BACH2: variants seen among roughly 807,000 people sequenced by gnomAD.
BACH2 encodes the protein BACH transcriptional regulator 2, also known as transcription regulator protein BACH2.
In BACH2, 5 loss-of-function variants were observed where a neutral mutation model predicts 61.8. The ratio of observed to expected loss-of-function variants is 0.08; its 90% CI spans 0.04 to 0.17. The LOEUF is 0.17. Among genes scored for constraint, BACH2 ranks in the 10% least tolerant of loss-of-function variants. The pLI is 1.00. For synonymous variants in BACH2, 446 were observed against 440.1 expected (o/e 1.01, Z -0.17); for missense variants, 824 against 1,091.1 (o/e 0.76, Z 3.45).
intron 4 of BACH2, among the ~76,000 whole-genome samples, chr6:90,125,186 T>C (rs754874237): frequency 8.5e-5 from 13 of 152,110 alleles, no homozygotes; most frequent in Non-Finnish European, 1.3e-4. Flanking sequence ...GAGAAGAAAA[T>C]GTGCCATAAA....
chr6:90,106,924 C>T (rs1402773872), intron 4 of BACH2, among the ~76,000 whole-genome samples: 2 of 152,162 alleles, frequency 1.3e-5, no homozygotes, highest in Non-Finnish European at 2.9e-5. Context: ...GTGGTGGCTC[C>T]GCCTCCTCTC....
chr6:90,163,874 G>C (rs1053146805), intron 4 of BACH2, among the ~76,000 whole-genome samples: 1 of 152,202 alleles, frequency 6.6e-6, no homozygotes, highest in Non-Finnish European at 1.5e-5. Flanking sequence ...ACCAGCTCAT[G>C]TGTACAAATT....
At chr6:90,123,968 T>C (rs1424451767) in intron 4 of BACH2, among the ~76,000 whole-genome samples, 1 of 152,158 alleles carries the variant, frequency 6.6e-6, no homozygotes, top group Non-Finnish European at 1.5e-5. Context: ...AGAAACCCGA[T>C]GGCTGCATGG....
chr6:89,955,885 T>TGG (rs780909443), intron 6 of BACH2, among the ~76,000 whole-genome samples: 2 of 151,688 alleles, frequency 1.3e-5, no homozygotes, highest in Non-Finnish European at 2.9e-5. Context: ...AAGAGGGGGG[T>TGG]GGGAGGTGGA....
intron 4 of BACH2, among the ~76,000 whole-genome samples, chr6:90,172,178 C>T (rs759373134): frequency 2.6e-5 from 4 of 151,772 alleles, no homozygotes; most frequent in South Asian, 2.1e-4. Context: ...TGGTGGCATG[C>T]GCCTGTAATC....
chr6:90,265,988 T>G (rs900912516), intron 2 of BACH2, among the ~76,000 whole-genome samples: 2 of 152,152 alleles, frequency 1.3e-5, no homozygotes, highest in Non-Finnish European at 2.9e-5. Flanking sequence ...AACTGAGAGA[T>G]ACATAACTGG....
At chr6:90,231,355 C>G (rs1770090268) in intron 3 of BACH2, among the ~76,000 whole-genome samples, 2 of 152,100 alleles carry the variant, frequency 1.3e-5, no homozygotes, top group East Asian at 3.8e-4. Flanking sequence ...CAAATGTGAC[C>G]TTGTCTAGGT....
At chr6:90,072,995 C>A (rs1433217216) in intron 5 of BACH2, among the ~76,000 whole-genome samples, 1 of 152,144 alleles carries the variant, frequency 6.6e-6, no homozygotes, top group African/African-American at 2.4e-5. Flanking sequence ...TGAGCTTTTC[C>A]CTGGCTCATT....
intron 2 of BACH2, among the ~76,000 whole-genome samples, chr6:90,258,632 C>T (rs1209297693): frequency 2.0e-5 from 3 of 151,934 alleles, no homozygotes; most frequent in South Asian, 2.1e-4. Flanking sequence ...GAGATTGCAC[C>T]GAATCTGTAT....
chr6:90,038,108 T>A (rs1779351855), intron 5 of BACH2, among the ~76,000 whole-genome samples: 1 of 152,256 alleles, frequency 6.6e-6, no homozygotes, highest in South Asian at 2.1e-4. Context: ...TTTGTGGTAC[T>A]TTGTTATGGA....
At chr6:90,276,899 C>G (rs1171465726) in intron 1 of BACH2, among the ~76,000 whole-genome samples, 1 of 152,118 alleles carries the variant, frequency 6.6e-6, no homozygotes, top group Non-Finnish European at 1.5e-5. Context: ...ATTTTAACAT[C>G]CTAACCCTTT....
intron 8 of BACH2, among the ~76,000 whole-genome samples, chr6:89,933,108 C>G (rs930902802): frequency 6.6e-6 from 1 of 152,166 alleles, no homozygotes; most frequent in Non-Finnish European, 1.5e-5. Flanking sequence ...TTCCCCAGGA[C>G]ATCTCTTCAT....
Position 89,950,918 on chromosome 6 carries a change from G to T in BACH2, c.1188C>A (p.His396Gln). ...AGTTGGACACCTCCTTCTGGCCCACGTGGGGCTGTCCATAATTCCCTGTGA... is the reference window on the plus strand; with the variant it reads ...AGTTGGACACCTCCTTCTGGCCCACTTGGGGCTGTCCATAATTCCCTGTGA... ...TPFTGNYGQP[H>Q]VGQKEVSNFT... The change falls in exon 7 of 9, where the codon CAC (histidine) becomes CAA (glutamine). Residue 396 changes from histidine (H) to glutamine (Q), a missense_variant. Physicochemically the swap from His to Gln is conservative, Grantham distance 24. This residue lies in a region of BACH2 where 226 missense variants were observed against 228.5 expected (regional missense o/e 0.99). Transcript: ENST00000257749. This position sits in a 1 kb window ranked among gnomAD's most constrained non-coding sequence, Gnocchi z 5.3. 2 of 1,587,200 alleles carry T rather than the reference G, an allele frequency of 1.3e-6. No individual in the cohort carries two copies. The highest frequency in any genetic ancestry group is 2.2e-5 in the East Asian group (1 of 44,694).
At chr6:90,040,712 T>G (rs1017344316) in intron 5 of BACH2, among the ~76,000 whole-genome samples, 2 of 152,148 alleles carry the variant, frequency 1.3e-5, no homozygotes, top group African/African-American at 4.8e-5. Flanking sequence ...GTTTCATTTA[T>G]TTACAAGAAT....
chr6:90,062,793 C>CA (rs1454201286), intron 5 of BACH2: 1 of 375,530 alleles, frequency 2.7e-6, no homozygotes, highest in Admixed American at 6.5e-5. Flanking sequence ...TAGTGACCAG[C>CA]AATTGACAAA....
chr6:90,181,554 A>G (rs1255987958), intron 4 of BACH2, among the ~76,000 whole-genome samples: 1 of 152,110 alleles, frequency 6.6e-6, no homozygotes, highest in East Asian at 1.9e-4. Flanking sequence ...ACAGCTATAT[A>G]ATATTACATG....
chr6:90,230,191 C>T (rs1770049686), intron 3 of BACH2, among the ~76,000 whole-genome samples: 1 of 152,190 alleles, frequency 6.6e-6, no homozygotes, highest in Non-Finnish European at 1.5e-5. Context: ...CCACTAGTTA[C>T]TAGCTATGGC....
At chr6:90,137,944 T>C (rs1193020879) in intron 4 of BACH2, among the ~76,000 whole-genome samples, 1 of 152,040 alleles carries the variant, frequency 6.6e-6, no homozygotes, top group Non-Finnish European at 1.5e-5. Flanking sequence ...TTTCACCTCT[T>C]TGGGACTCTG....
In BACH2 at chr6:90,142,763, A is replaced by G. The variant is rs115726741; in HGVS notation, c.-161-53654T>C. Among the ~76,000 whole-genome samples, 417 of 152,334 alleles carry G rather than the reference A, an allele frequency of 2.7e-3. 1 individual carries two copies. Among genetic ancestry groups the G allele is most frequent in the Middle Eastern group, 0.021 (6 of 292 alleles). ...ACTGCTGGGTAGGAAGATCATTATA[A>G]AAGATTTAAATTTTCTTCTGTTTGC... On this transcript the variant is annotated intron_variant, in intron 4 of 8. Coordinates refer to ENST00000257749, the MANE Select transcript of BACH2 (RefSeq NM_021813.4).
Sources: gnomAD v4.1 joint callset for allele counts (sites outside exome capture counted in the v4.1 genomes callset) on GRCh38, gnomAD v4.1.1 for gene constraint, gnomAD v4.1.1 regional missense constraint, Gnocchi (gnomAD v3.1) non-coding constraint, MANE v1.5 for transcripts, NCBI Gene and HGNC (gene_info 2026-07-23, HGNC 2026-07-21) for gene names.